Variants in GOLGA5 observed in about 807,000 individuals in gnomAD.
GOLGA5 encodes golgin subfamily A member 5.
GOLGA5 carries 50 observed loss-of-function variants against 93.5 expected under a neutral mutation model. The observed-to-expected ratio is 0.53, with a 90% CI of 0.43 to 0.68. The LOEUF (loss-of-function observed/expected upper bound fraction) is 0.68. Ranked by LOEUF, GOLGA5 falls within the 30% of genes least tolerant of loss-of-function variation. GOLGA5 has a pLI of 0.00. For missense variants in GOLGA5, 760 were observed against 856.4 expected (o/e 0.89, Z 1.40); for synonymous variants, 312 against 304.5 (o/e 1.02, Z -0.26).
chr14:92,829,737 A>T (rs1713252656), intron 9 of GOLGA5, among the ~76,000 whole-genome samples: 1 of 152,348 alleles, frequency 6.6e-6, no homozygotes, highest in South Asian at 2.1e-4. Context: ...TTGATGAAGC[A>T]CTGGCAGGGT....
chr14:92,813,569 T>G (rs1885145366), intron 6 of GOLGA5, among the ~76,000 whole-genome samples: 2 of 152,116 alleles, frequency 1.3e-5, no homozygotes, highest in South Asian at 4.1e-4. Flanking sequence ...TGCAGCTAGT[T>G]CCATACTGCT....
At position 92,797,394 on chromosome 14, in the gene GOLGA5, T is replaced by C; in HGVS notation, c.-30-14T>C. 7.0e-7 allele frequency: 1 copy of C among 1,432,234 alleles called. No homozygotes were observed. Among genetic ancestry groups the C allele is most frequent in the South Asian group, 1.3e-5 (1 of 75,936 alleles). The allele number at this position is 1,432,234 out of a possible 1,614,324, so 88.7% of individuals were successfully genotyped here. On this transcript the variant is annotated splice_polypyrimidine_tract_variant and intron_variant, in intron 1 of 12. Transcript: ENST00000163416. ...CCACTATGCCACACTGATCATTTTA[T>C]GTCCTTTTTACAGGTTTGCCAATAG... is the stretch of plus-strand genomic sequence containing the variant.
At chr14:92,826,044 A>G (rs1018808414) in intron 9 of GOLGA5, among the ~76,000 whole-genome samples, 5 of 151,792 alleles carry the variant, frequency 3.3e-5, no homozygotes, top group Non-Finnish European at 7.4e-5. Context: ...AGTCCCAGCT[A>G]CTTGGGAGGC....
At position 92,837,332 on chromosome 14, in the gene GOLGA5, G is replaced by C. The variant is rs187062726; in HGVS notation, c.2052-54G>C. 190 of 845,908 alleles carry C rather than the reference G, an allele frequency of 2.2e-4. 1 individual carries two copies. In the African/African-American group the frequency reaches 3.0e-3, roughly 13 times the overall value. 52.4% of individuals were successfully genotyped at this position (845,908 alleles called of 1,614,324 possible). On this transcript the variant is annotated intron_variant, in intron 11 of 12. Transcript: ENST00000163416. ...ATTAGATATTACCACAGGAAGATTT[G>C]TTTTGACTGTGACTCTTCTCTCTCC...
In GOLGA5 at chr14:92,835,565, G is replaced by A. The variant is rs142072754; in HGVS notation, c.1952G>A (p.Arg651His). ...TATTTTCTTATTTAAACAGGCACTC[G>A]TCTGCGAAATGTTCCTGTTCTTTTT... ...MSGIDNGEGT[R>H]LRNVPVLFND... Residue 651 changes from arginine to histidine, a missense_variant, in exon 11 of 13, where the codon CGT becomes CAT. By Grantham distance (29) the Arg-to-His change is conservative. Coordinates refer to ENST00000163416, the MANE Select transcript of GOLGA5 (RefSeq NM_005113.4). 3.1e-5 allele frequency: 50 copies of A among 1,607,188 alleles called. No individual in the cohort carries two copies. The highest frequency in any genetic ancestry group is 2.1e-4 in the African/African-American group (16 of 74,774).
intron 9 of GOLGA5, among the ~76,000 whole-genome samples, chr14:92,830,942 G>GTGAC (rs1197202803): frequency 1.3e-5 from 2 of 152,096 alleles, no homozygotes; most frequent in African/African-American, 4.8e-5. Context: ...AAAAATTCGT[G>GTGAC]TGACTGACTT....
intron 3 of GOLGA5, among the ~76,000 whole-genome samples, chr14:92,807,975 C>A (rs935248785): frequency 4.6e-5 from 7 of 152,196 alleles, no homozygotes; most frequent in African/African-American, 1.7e-4. Context: ...TGGCTCACGC[C>A]TGTAATCCCA....
At chr14:92,802,343 T>C (rs911873032) in intron 2 of GOLGA5, among the ~76,000 whole-genome samples, 1 of 152,216 alleles carries the variant, frequency 6.6e-6, no homozygotes, top group Non-Finnish European at 1.5e-5. Context: ...TTGTTGTTTT[T>C]TTGTGTGTAC....
Position 92,810,248 on chromosome 14 carries a change from C to G in GOLGA5, c.993-6C>G, listed in dbSNP as rs1885075761. ...GAGTTATTTCACATGATGCATTTTC[C>G]TTTAGAATAATGCAGGATCAAAGTG... On this transcript the variant is annotated splice_region_variant and splice_polypyrimidine_tract_variant and intron_variant, in intron 4 of 12. Transcript: ENST00000163416. 6.3e-7 allele frequency: 1 copy of G among 1,597,062 alleles called. No individual in the cohort carries two copies. The highest frequency in any genetic ancestry group is 1.1e-5 in the South Asian group (1 of 88,908).
rs1885078794 is a variant in GOLGA5 at position 92,810,339 on chromosome 14, A to C, written c.1078A>C (p.Thr360Pro). 1 of 1,609,336 alleles carries C rather than the reference A, an allele frequency of 6.2e-7. No individual in the cohort carries two copies. The highest frequency in any genetic ancestry group is 8.5e-7 in the Non-Finnish European group (1 of 1,177,708). The change falls in exon 5 of 13, where the codon ACT (threonine) becomes CCT (proline). Residue 360 changes from threonine to proline, a missense_variant. Coordinates refer to ENST00000163416, the MANE Select transcript of GOLGA5 (RefSeq NM_005113.4). ...GGAGAGACTGCATGAAGCGGATGCC[A>C]CTCTGAAGAGAGAGCAGGAGAGCTA... ...FQERLHEADA[T>P]LKREQESYKQ...
intron 5 of GOLGA5, 53 bp from the exon 6 acceptor site, chr14:92,811,498 T>G: frequency 1.7e-6 from 2 of 1,191,504 alleles, no homozygotes; most frequent in East Asian, 4.7e-5. Context: ...GGTTGTAAAA[T>G]ATGTTTCAAA....
chr14:92,829,251 C>T (rs1885480028), intron 9 of GOLGA5, among the ~76,000 whole-genome samples: 1 of 152,208 alleles, frequency 6.6e-6, no homozygotes, highest in African/African-American at 2.4e-5. Context: ...GAGTGAGCCA[C>T]TGTGCCTGGC....
rs191298103 is a variant in GOLGA5 at position 92,823,846 on chromosome 14, T to G, written c.1621-700T>G. On this transcript the variant is annotated intron_variant, in intron 8 of 12. Coordinates refer to ENST00000163416, the MANE Select transcript of GOLGA5 (RefSeq NM_005113.4). ...AATTAATTAGAGGAGAACTGACATCTTTATGATGTTGTATTCCTAAGAATA... is the reference window on the plus strand; with the variant it reads ...AATTAATTAGAGGAGAACTGACATCGTTATGATGTTGTATTCCTAAGAATA... Among the ~76,000 whole-genome samples, 61 of 152,310 alleles carry G rather than the reference T, an allele frequency of 4.0e-4. 1 individual carries two copies. In the South Asian group the frequency reaches 7.5e-3, roughly 19 times the overall value.
chr14:92,830,059 C>G (rs1885498104), intron 9 of GOLGA5, among the ~76,000 whole-genome samples: 1 of 152,146 alleles, frequency 6.6e-6, no homozygotes, highest in Non-Finnish European at 1.5e-5. Context: ...TGGTTCACGC[C>G]TGTAAGCCCA....
At chr14:92,831,458 G>A (rs911851718) in intron 9 of GOLGA5, among the ~76,000 whole-genome samples, 2 of 152,046 alleles carry the variant, frequency 1.3e-5, no homozygotes, top group African/African-American at 2.4e-5. Flanking sequence ...GATTCATACT[G>A]TGTGATTCCA....
At chr14:92,806,699 A>C (rs774648212) in intron 2 of GOLGA5, 37 bp from the exon 3 acceptor site, 1 of 1,383,544 alleles carries the variant, frequency 7.2e-7, no homozygotes, top group Non-Finnish European at 1.0e-6. Flanking sequence ...TGTGATGAAC[A>C]CGCCAATGTA....
At chr14:92,805,717 C>G (rs1884970434) in intron 2 of GOLGA5, among the ~76,000 whole-genome samples, 1 of 151,952 alleles carries the variant, frequency 6.6e-6, no homozygotes, top group South Asian at 2.1e-4. Flanking sequence ...ATTTGCATTT[C>G]CTTGATGACT....
intron 10 of GOLGA5, among the ~76,000 whole-genome samples, chr14:92,833,906 G>GT (rs1440428456): frequency 6.6e-6 from 1 of 151,342 alleles, no homozygotes; most frequent in Non-Finnish European, 1.5e-5. Flanking sequence ...AAAAAAAATT[G>GT]TTTAAGAGAC....
At chr14:92,826,114 C>T (rs905456044) in intron 9 of GOLGA5, among the ~76,000 whole-genome samples, 3 of 152,148 alleles carry the variant, frequency 2.0e-5, no homozygotes, top group Admixed American at 2.0e-4. Flanking sequence ...ATGATCACCC[C>T]GCTGTACTCT....
Sources: gnomAD v4.1 joint callset for allele counts (sites outside exome capture counted in the v4.1 genomes callset) on GRCh38, gnomAD v4.1.1 for gene constraint, MANE v1.5 for transcripts, NCBI Gene and HGNC (gene_info 2026-07-23, HGNC 2026-07-21) for gene names.